CSMD1: variants seen among roughly 807,000 people sequenced by gnomAD.
CSMD1 encodes CUB and sushi domain-containing protein 1.
Under a neutral mutation model 417.5 loss-of-function variants are expected in CSMD1, and 213 were observed. That is an observed-to-expected ratio of 0.51 (90% CI 0.46 to 0.57). The LOEUF (loss-of-function observed/expected upper bound fraction) is 0.57, where lower values mean the gene tolerates loss of function less well. Among genes scored for constraint, CSMD1 ranks in the 20% least tolerant of loss-of-function variants. CSMD1 has a pLI of 0.00. For missense variants in CSMD1, 6,923 were observed against 4,529.7 expected (o/e 1.53, Z -15.17); for synonymous variants, 2,862 against 1,736.8 (o/e 1.65, Z -16.11).
At chr8:4,453,961 A>G (rs543473740) in intron 2 of CSMD1, among the ~76,000 whole-genome samples, 156 of 151,266 alleles carry the variant, frequency 1.0e-3, no homozygotes, top group Admixed American at 2.2e-3. Flanking sequence ...AGCTGGGACT[A>G]CAGGCGCCCG....
chr8:4,010,644 A>C (rs537617374), intron 4 of CSMD1, among the ~76,000 whole-genome samples: 3 of 152,018 alleles, frequency 2.0e-5, no homozygotes, highest in Non-Finnish European at 2.9e-5. Context: ...ACCTAAACTC[A>C]TAATTTTTTG....
At chr8:4,091,155 G>C (rs1157499002) in intron 3 of CSMD1, among the ~76,000 whole-genome samples, 1 of 152,084 alleles carries the variant, frequency 6.6e-6, no homozygotes, top group East Asian at 1.9e-4. Context: ...CTGACCTCAA[G>C]TGATCCACAT....
chr8:4,694,180 C>G (rs762725590), intron 1 of CSMD1, among the ~76,000 whole-genome samples: 2 of 152,154 alleles, frequency 1.3e-5, no homozygotes, highest in Non-Finnish European at 2.9e-5. Flanking sequence ...AGCCTTCCTT[C>G]TGCTCTCTGA....
chr8:4,797,453 GGT>G, intron 1 of CSMD1, among the ~76,000 whole-genome samples: 1 of 152,136 alleles, frequency 6.6e-6, no homozygotes, highest in Middle Eastern at 3.4e-3. Flanking sequence ...ACCAAATATA[GGT>G]CATGTTTTTA....
intron 2 of CSMD1, among the ~76,000 whole-genome samples, chr8:4,424,907 T>C (rs1348639233): frequency 6.6e-6 from 1 of 152,082 alleles, no homozygotes; most frequent in Non-Finnish European, 1.5e-5. Flanking sequence ...TGATCTCACA[T>C]TAAATAATTA....
chr8:3,999,816 C>T (rs1314185656), intron 4 of CSMD1, among the ~76,000 whole-genome samples: 1 of 152,134 alleles, frequency 6.6e-6, no homozygotes, highest in South Asian at 2.1e-4. Flanking sequence ...TGGGTGTTCT[C>T]ATGTTTTAAT....
intron 5 of CSMD1, among the ~76,000 whole-genome samples, chr8:3,996,993 C>G (rs1001894064): frequency 2.6e-5 from 4 of 152,214 alleles, no homozygotes; most frequent in Non-Finnish European, 4.4e-5. Flanking sequence ...TTCACAATCA[C>G]TCATTCCATA....
At chr8:4,546,204 C>A (rs1453708109) in intron 2 of CSMD1, among the ~76,000 whole-genome samples, 2 of 152,216 alleles carry the variant, frequency 1.3e-5, no homozygotes, top group Admixed American at 6.5e-5. Flanking sequence ...CGGGCCTTGG[C>A]CCTGGTCGCA....
chr8:4,142,163 T>C (rs1029151031), intron 3 of CSMD1, among the ~76,000 whole-genome samples: 1 of 151,186 alleles, frequency 6.6e-6, no homozygotes, highest in Non-Finnish European at 1.5e-5. Flanking sequence ...ATGATACTGG[T>C]GAATACCATC....
At chr8:3,318,219 T>C (rs1268778735) in intron 23 of CSMD1, among the ~76,000 whole-genome samples, 2 of 152,232 alleles carry the variant, frequency 1.3e-5, no homozygotes, top group East Asian at 3.8e-4. Flanking sequence ...TTTCATAGTA[T>C]AACTTCTTAC....
chr8:3,310,364 G>C (rs1456711751), intron 23 of CSMD1, among the ~76,000 whole-genome samples: 1 of 152,216 alleles, frequency 6.6e-6, no homozygotes, highest in African/African-American at 2.4e-5. Context: ...GTTTGGAAGT[G>C]ACAGCATCTG....
chr8:4,157,759 C>G (rs546825321), intron 3 of CSMD1, among the ~76,000 whole-genome samples: 1 of 152,316 alleles, frequency 6.6e-6, no homozygotes, highest in South Asian at 2.1e-4. Context: ...CCAGGGCTGA[C>G]CTGCCTGGTC....
chr8:3,521,302 A>C lies in CSMD1; in HGVS notation c.1345-27576T>G, dbSNP rs143657935. ...GTGCTCAGAGCCAAGTTAATGACTT[A>C]CTCTCTCTCAAATTCACATGTCTTT... On this transcript the variant is annotated intron_variant, in intron 10 of 69. Coordinates refer to ENST00000635120, the MANE Select transcript of CSMD1 (RefSeq NM_033225.6). Among the ~76,000 whole-genome samples the C allele has an allele frequency of 4.8e-3, 723 of 152,016 alleles. 4 individuals are homozygous for C. The highest frequency in any genetic ancestry group is 0.017 in the African/African-American group (690 of 41,424).
At chr8:4,518,185 T>C (rs1803227812) in intron 2 of CSMD1, among the ~76,000 whole-genome samples, 1 of 152,178 alleles carries the variant, frequency 6.6e-6, no homozygotes, top group Non-Finnish European at 1.5e-5. Flanking sequence ...GCACGAATGA[T>C]ATTCATGTGG....
chr8:4,639,910 T>C (rs1803088362), intron 1 of CSMD1, among the ~76,000 whole-genome samples: 1 of 152,184 alleles, frequency 6.6e-6, no homozygotes, highest in African/African-American at 2.4e-5. Flanking sequence ...AATAACACTG[T>C]AACAAGTAAA....
At chr8:4,759,605 C>A (rs940024516) in intron 1 of CSMD1, among the ~76,000 whole-genome samples, 1 of 152,100 alleles carries the variant, frequency 6.6e-6, no homozygotes, top group Non-Finnish European at 1.5e-5. Context: ...TGTTGTTCCC[C>A]TCCCTACGTC....
intron 5 of CSMD1, among the ~76,000 whole-genome samples, chr8:3,977,076 G>C (rs952194242): frequency 2.6e-5 from 4 of 152,004 alleles, no homozygotes; most frequent in African/African-American, 7.3e-5. Context: ...TTTCCATTTA[G>C]ATTTTTGCTT....
chr8:3,052,668 T>C (rs755565535), intron 49 of CSMD1, 21 bp from the exon 50 acceptor site: 5 of 1,533,462 alleles, frequency 3.3e-6, no homozygotes, highest in Non-Finnish European at 3.5e-6. Flanking sequence ...ATGAAACAAA[T>C]GTAGGCTTAT....
rs184399765 is a variant in CSMD1 at position 3,872,937 on chromosome 8, C to A, written c.819-118895G>T. Among the ~76,000 whole-genome samples the A allele has an allele frequency of 3.3e-5, 5 of 150,954 alleles. No individual in the cohort carries two copies. In the South Asian group the frequency reaches 1.0e-3, roughly 32 times the overall value. On this transcript the variant is annotated intron_variant, in intron 5 of 69. Coordinates refer to ENST00000635120, the MANE Select transcript of CSMD1 (RefSeq NM_033225.6). The stretch of plus-strand genomic sequence containing the variant: ...GAAAATAAGACATACATGTGGCCAA[C>A]AATCATATGAAAAAAAGCTCAACAT...
Sources: gnomAD v4.1 joint callset for allele counts (sites outside exome capture counted in the v4.1 genomes callset) on GRCh38, gnomAD v4.1.1 for gene constraint, MANE v1.5 for transcripts, NCBI Gene and HGNC (gene_info 2026-07-23, HGNC 2026-07-21) for gene names.